NSUN7: variants seen among roughly 807,000 people sequenced by gnomAD.
NSUN7 encodes NOP2/Sun RNA methyltransferase family member 7.
Under a neutral mutation model 58.5 loss-of-function variants are expected in NSUN7, and 39 were observed. That is an observed-to-expected ratio of 0.67 (90% CI 0.52 to 0.87). The LOEUF (loss-of-function observed/expected upper bound fraction) is 0.87. Ranked by LOEUF, NSUN7 falls within the 40% of genes least tolerant of loss-of-function variation. The probability of loss-of-function intolerance (pLI) is 0.00; values close to 1 mark genes in which losing one functional copy is unlikely to be tolerated. For missense variants in NSUN7, 765 were observed against 844.1 expected, an observed-to-expected ratio of 0.91 and a Z score of 1.16; for synonymous variants, 278 against 303.7, an observed-to-expected ratio of 0.92 and a Z score of 0.88.
At chr4:40,807,259 G>A (rs1743844452) in intron 11 of NSUN7, 75 bp downstream of exon 11, 2 of 1,344,292 alleles carry the variant, frequency 1.5e-6, no homozygotes, top group African/African-American at 3.0e-5. Context: ...AGGAAGCCAG[G>A]AACTTTGCAC....
chr4:40,754,797 T>C (rs1741057973), intron 2 of NSUN7, among the ~76,000 whole-genome samples: 1 of 152,244 alleles, frequency 6.6e-6, no homozygotes, highest in Non-Finnish European at 1.5e-5. Flanking sequence ...ATTATACTAA[T>C]GTTAACTGTA....
intron 4 of NSUN7, among the ~76,000 whole-genome samples, chr4:40,763,379 C>G (rs1741549797): frequency 7.7e-6 from 1 of 130,160 alleles, no homozygotes; most frequent in South Asian, 2.4e-4. Context: ...AGCCTGACTC[C>G]CAGGATGGGC....
intron 2 of NSUN7, among the ~76,000 whole-genome samples, chr4:40,757,811 T>G (rs537751512): frequency 4.6e-5 from 7 of 151,448 alleles, no homozygotes; most frequent in African/African-American, 1.7e-4. Context: ...GTGATACTGG[T>G]TTTGACAAGA....
intron 2 of NSUN7, among the ~76,000 whole-genome samples, chr4:40,758,796 G>A (rs1741298516): frequency 6.6e-6 from 1 of 152,030 alleles, no homozygotes; most frequent in African/African-American, 2.4e-5. Flanking sequence ...GAGGCAGGAG[G>A]GTTGCTTGAG....
At chr4:40,762,481 T>C (rs1468791018) in intron 4 of NSUN7, 1 of 152,238 alleles carries the variant, frequency 6.6e-6, no homozygotes, top group Admixed American at 6.5e-5. Context: ...ATTCAGGTAA[T>C]AGTAATGATA....
Position 40,776,774 on chromosome 4 carries a change from C to T in NSUN7, c.1036+515C>T, listed in dbSNP as rs562882572. Among the ~76,000 whole-genome samples, 3 of 152,102 alleles carry T rather than the reference C, an allele frequency of 2.0e-5. 1 individual carries two copies. Among genetic ancestry groups the T allele is most frequent in the South Asian group, 2.1e-4 (1 of 4,818 alleles). On this transcript the variant is annotated intron_variant, in intron 7 of 11. Transcript: ENST00000381782. ...GTGACTACAGGCTCATGCCACTATG[C>T]GTGGCTAATTTTTCTAATTTTTGTA...
At chr4:40,801,502 A>G (rs947080062) in intron 10 of NSUN7, among the ~76,000 whole-genome samples, 2 of 152,002 alleles carry the variant, frequency 1.3e-5, no homozygotes, top group Non-Finnish European at 2.9e-5. Context: ...TTCTTTTCAC[A>G]TGTCTTATTA....
chr4:40,763,490 G>T (rs1741557042), intron 4 of NSUN7, among the ~76,000 whole-genome samples: 1 of 152,128 alleles, frequency 6.6e-6, no homozygotes, highest in Non-Finnish European at 1.5e-5. Flanking sequence ...GGATTTAGGG[G>T]ACTTTCATGT....
Position 40,770,983 on chromosome 4 carries a change from G to A in NSUN7, c.489-3282G>A, listed in dbSNP as rs183991476. Among the ~76,000 whole-genome samples, 204 of 152,208 alleles carry A rather than the reference G, an allele frequency of 1.3e-3. 2 individuals carry two copies. In the East Asian group the frequency reaches 0.018, roughly 14 times the overall value. ...GGAGAATCTCTTGAACCCAGGAGGC[G>A]GAGGTTGCAGTAAGCCGAGATTGCA... On this transcript the variant is annotated intron_variant, in intron 4 of 11. Coordinates refer to ENST00000381782, the MANE Select transcript of NSUN7 (RefSeq NM_024677.6).
chr4:40,780,673 G>T (rs1742487142), intron 7 of NSUN7, among the ~76,000 whole-genome samples: 2 of 149,132 alleles, frequency 1.3e-5, no homozygotes, highest in Non-Finnish European at 3.0e-5. Context: ...AAATAGGATG[G>T]TAGATTAAAC....
intron 4 of NSUN7, 115 bp downstream of exon 4, chr4:40,761,416 TA>T: frequency 1.3e-6 from 1 of 767,124 alleles, no homozygotes; most frequent in South Asian, 2.0e-5. Context: ...GGGAAAAATA[TA>T]AAAATTCATA....
chr4:40,768,464 A>G (rs112920340), intron 4 of NSUN7, among the ~76,000 whole-genome samples: 14 of 152,330 alleles, frequency 9.2e-5, no homozygotes, highest in Admixed American at 2.6e-4. Flanking sequence ...TGCTGGGATT[A>G]CAAGTGTGAG....
rs561198318 is a variant in NSUN7, at chr4:40,770,007, C to T, written c.489-4258C>T. On this transcript the variant is annotated intron_variant, in intron 4 of 11. Transcript: ENST00000381782. ...GGTGGATCTCCTGAGGTCGGGAGTT[C>T]GAGACCAGCCTGGACCAACATGGAG... 1.2e-4 allele frequency among the ~76,000 whole-genome samples: 18 copies of T among 151,826 alleles called. No homozygotes were observed. The South Asian group carries it at 2.3e-3, about 19-fold the overall frequency.
chr4:40,791,507 A>G (rs1743071297), intron 8 of NSUN7, among the ~76,000 whole-genome samples: 2 of 152,190 alleles, frequency 1.3e-5, no homozygotes, highest in Admixed American at 1.3e-4. Context: ...TCATTGGGCT[A>G]GTAAGAGGCA....
chr4:40,785,701 A>G (rs538685329), intron 7 of NSUN7, among the ~76,000 whole-genome samples: 1 of 152,216 alleles, frequency 6.6e-6, no homozygotes. Context: ...TTTATCAGTT[A>G]TAAAAGAAAT....
At chr4:40,757,031 C>A (rs1741173722) in intron 2 of NSUN7, among the ~76,000 whole-genome samples, 1 of 152,154 alleles carries the variant, frequency 6.6e-6, no homozygotes, top group Non-Finnish European at 1.5e-5. Flanking sequence ...GAGTTTGAGA[C>A]CAGCCTGGCT....
chr4:40,757,636 G>A (rs1474130854), intron 2 of NSUN7, among the ~76,000 whole-genome samples: 1 of 143,310 alleles, frequency 7.0e-6, no homozygotes, highest in African/African-American at 2.6e-5. Context: ...TATACATTGT[G>A]TGTATATATA....
In NSUN7 at chr4:40,750,941, A is replaced by G. The variant is rs1740799198; in HGVS notation, c.248A>G (p.Asp83Gly). The change falls in exon 2 of 12, where the codon GAT becomes GGT. Residue 83 changes from aspartate to glycine, a missense_variant. Transcript: ENST00000381782. ...CTGCGGTCCTTGTCCGAGTCTGAGGATCAGTCCTTTCAGCGTTTGTCTTAT... is the reference window on the plus strand; with the variant it reads ...CTGCGGTCCTTGTCCGAGTCTGAGGGTCAGTCCTTTCAGCGTTTGTCTTAT... ...EPLRSLSESE[D>G]QSFQRLSYEL... 6.2e-7 allele frequency: 1 copy of G among 1,614,070 alleles called. No individual in the cohort carries two copies. The highest frequency in any genetic ancestry group is 1.3e-5 in the African/African-American group (1 of 74,912).
intron 10 of NSUN7, among the ~76,000 whole-genome samples, chr4:40,804,267 C>A (rs1743724677): frequency 1.3e-5 from 2 of 151,934 alleles, no homozygotes. Context: ...TGGCAAAACC[C>A]CGTCTCTACT....
Sources: allele counts gnomAD v4.1 joint callset (sites outside exome capture counted in the v4.1 genomes callset), GRCh38; gene constraint gnomAD v4.1.1; transcripts MANE v1.5; gene names NCBI Gene and HGNC (gene_info 2026-07-23, HGNC 2026-07-21).